SUSD4: variants seen among roughly 807,000 people sequenced by gnomAD.
SUSD4 encodes sushi domain containing 4.
Under a neutral mutation model 50.5 loss-of-function variants are expected in SUSD4, and 41 were observed. The ratio of observed to expected loss-of-function variants is 0.81; its 90% CI spans 0.63 to 1.05. The LOEUF (loss-of-function observed/expected upper bound fraction) is 1.05. Ranked by LOEUF, SUSD4 falls within the 50% of genes least tolerant of loss-of-function variation. The probability of loss-of-function intolerance (pLI) is 0.00; values close to 1 mark genes in which losing one functional copy is unlikely to be tolerated. For synonymous variants in SUSD4, 257 were observed against 257.3 expected (o/e 1.00, Z 0.01); for missense variants, 580 against 634.7 (o/e 0.91, Z 0.93).
chr1:223,322,615 G>T (rs1558249572), intron 2 of SUSD4, among the ~76,000 whole-genome samples: 1 of 151,750 alleles, frequency 6.6e-6, no homozygotes, highest in African/African-American at 2.4e-5. Context: ...GCAGCCCTGG[G>T]GTGTGTGTGT....
intron 5 of SUSD4, among the ~76,000 whole-genome samples, chr1:223,243,821 G>T (rs758261699): frequency 1.3e-5 from 2 of 152,178 alleles, no homozygotes; most frequent in African/African-American, 2.4e-5. Context: ...CCTGCTTTGC[G>T]TTATCAGCAC....
intron 2 of SUSD4, among the ~76,000 whole-genome samples, chr1:223,293,551 A>G (rs958340467): frequency 2.0e-5 from 3 of 152,184 alleles, no homozygotes; most frequent in African/African-American, 7.2e-5. Flanking sequence ...TGACTGAAAG[A>G]GAGAGAGCCC....
chr1:223,255,811 C>T (rs1290018437), intron 5 of SUSD4, among the ~76,000 whole-genome samples: 1 of 152,208 alleles, frequency 6.6e-6, no homozygotes, highest in African/African-American at 2.4e-5. Context: ...TATGCTGGGT[C>T]CAGCTACTGG....
chr1:223,234,536 T>C (rs911667469), intron 5 of SUSD4, among the ~76,000 whole-genome samples: 1 of 152,142 alleles, frequency 6.6e-6, no homozygotes, highest in Non-Finnish European at 1.5e-5. Context: ...GCTATTTGAG[T>C]GAATGGAAAT....
chr1:223,276,650 A>G (rs1487494155), intron 3 of SUSD4, among the ~76,000 whole-genome samples: 1 of 152,250 alleles, frequency 6.6e-6, no homozygotes, highest in Non-Finnish European at 1.5e-5. Flanking sequence ...CTAAACTCAC[A>G]TGGAAGCCAC....
intron 2 of SUSD4, among the ~76,000 whole-genome samples, chr1:223,352,525 G>T (rs1398566390): frequency 6.6e-6 from 1 of 152,198 alleles, no homozygotes; most frequent in African/African-American, 2.4e-5. Context: ...GATCTAGGAA[G>T]GTCTGGGGCC....
intron 3 of SUSD4, among the ~76,000 whole-genome samples, chr1:223,283,608 T>G (rs1292766569): frequency 1.3e-5 from 2 of 152,242 alleles, no homozygotes; most frequent in East Asian, 3.9e-4. Flanking sequence ...TGTGGAGAAA[T>G]AGGAACACTT....
chr1:223,258,675 T>C (rs1661875037), intron 5 of SUSD4, among the ~76,000 whole-genome samples: 2 of 152,158 alleles, frequency 1.3e-5, no homozygotes, highest in South Asian at 2.1e-4. Context: ...ATTGTCAGCA[T>C]CAGGGAAGCC....
At position 223,258,495 on chromosome 1, in the gene SUSD4, A is replaced by C. The variant is rs79630583; in HGVS notation, c.724+6135T>G. Among the ~76,000 whole-genome samples the C allele has an allele frequency of 5.0e-3, 742 of 148,718 alleles. 37 individuals carry two copies. In the East Asian group the frequency reaches 0.12, roughly 24 times the overall value. On this transcript the variant is annotated intron_variant, in intron 5 of 8. Coordinates refer to ENST00000366878, the MANE Select transcript of SUSD4 (RefSeq NM_017982.4). Reference sequence around the variant, plus strand: ...TCTGATGAAAACTACATCTCTGTCCATGTGGGCTCTGAGATGAATGGGGCT... The same window carrying C: ...TCTGATGAAAACTACATCTCTGTCCCTGTGGGCTCTGAGATGAATGGGGCT...
In SUSD4 at chr1:223,363,523, C is replaced by G. The variant is rs919973846; in HGVS notation, c.-35-63G>C. ...GTCCGGGCTCGGGGGCCACGCTCCC[C>G]CTCCTCCGCTCTGGGACCCGGCGCC... On this transcript the variant is annotated intron_variant, in intron 1 of 8. Transcript: ENST00000366878. 21 of 1,367,558 alleles carry G rather than the reference C, an allele frequency of 1.5e-5. 1 individual carries two copies. Among genetic ancestry groups the G allele is most frequent in the African/African-American group, 4.4e-5 (3 of 68,154 alleles). 84.7% of individuals were successfully genotyped at this position (1,367,558 alleles called of 1,614,324 possible). A position where few individuals can be genotyped will look rare whatever the true frequency, so the allele number is the denominator to read the frequency against.
chr1:223,223,632 CT>C lies in SUSD4; in HGVS notation c.1062-2del, dbSNP rs772433005. The C allele has an allele frequency of 6.3e-7, 1 of 1,599,068 alleles. No individual in the cohort carries two copies. Among genetic ancestry groups the C allele is most frequent in the South Asian group, 1.1e-5 (1 of 88,878 alleles). On this transcript the variant is annotated splice_acceptor_variant, in intron 7 of 8. Coordinates refer to ENST00000366878, the MANE Select transcript of SUSD4 (RefSeq NM_017982.4). LOFTEE classifies it high-confidence loss of function. ...ACTGCTGGAACTCCGGGGAGGCCCC[CT>C]GTGTAAAGGAAAGAAGTGCCAACAT...
intron 2 of SUSD4, among the ~76,000 whole-genome samples, chr1:223,354,817 T>TC: frequency 6.6e-6 from 1 of 152,330 alleles, no homozygotes; most frequent in African/African-American, 2.4e-5. Flanking sequence ...ATCAGAATCT[T>TC]CTAGGTGTTA....
At chr1:223,344,341 C>T (rs1043005880) in intron 2 of SUSD4, among the ~76,000 whole-genome samples, 3 of 152,096 alleles carry the variant, frequency 2.0e-5, no homozygotes, top group African/African-American at 7.2e-5. Flanking sequence ...TGGCACCCAG[C>T]CTCTCAGATG....
intron 2 of SUSD4, among the ~76,000 whole-genome samples, chr1:223,327,421 G>A (rs1020501918): frequency 3.3e-5 from 5 of 152,108 alleles, no homozygotes; most frequent in Non-Finnish European, 5.9e-5. Flanking sequence ...TAAAATATCA[G>A]AATTCACCAC....
chr1:223,298,164 A>G (rs1184552873), intron 2 of SUSD4, among the ~76,000 whole-genome samples: 1 of 151,840 alleles, frequency 6.6e-6, no homozygotes, highest in Non-Finnish European at 1.5e-5. Flanking sequence ...GATTGGATGG[A>G]TGGATAAACA....
chr1:223,363,606 A>C, intron 1 of SUSD4, 146 bp from the exon 2 acceptor site: 11 of 912,562 alleles, frequency 1.2e-5, no homozygotes, highest in East Asian at 2.9e-5. Flanking sequence ...CCCCTTTCCC[A>C]CGGCGAGGTC....
At chr1:223,251,829 C>G (rs751970080) in intron 5 of SUSD4, among the ~76,000 whole-genome samples, 78 of 152,110 alleles carry the variant, frequency 5.1e-4, no homozygotes, top group Non-Finnish European at 9.4e-4. Flanking sequence ...AATTGCCACA[C>G]TGTCTTCCAC....
intron 2 of SUSD4, among the ~76,000 whole-genome samples, chr1:223,304,872 A>C (rs1665437592): frequency 8.1e-6 from 1 of 124,192 alleles, no homozygotes; most frequent in African/African-American, 3.2e-5. Context: ...TGTGATTAAT[A>C]TTCAACCAGT....
chr1:223,247,681 A>G (rs1661031573), intron 5 of SUSD4, among the ~76,000 whole-genome samples: 1 of 152,154 alleles, frequency 6.6e-6, no homozygotes, highest in Admixed American at 6.5e-5. Flanking sequence ...GAAGAGTGTA[A>G]TAATGAGTTA....
Sources: gnomAD v4.1 joint callset for allele counts (sites outside exome capture counted in the v4.1 genomes callset) on GRCh38, gnomAD v4.1.1 for gene constraint, MANE v1.5 for transcripts, NCBI Gene and HGNC (gene_info 2026-07-23, HGNC 2026-07-21) for gene names.